The following NRG1 variants were observed in gnomAD, a reference collection of about 807,000 sequenced individuals.
NRG1 encodes the protein pro-neuregulin-1, membrane-bound isoform.
Under a neutral mutation model 63.8 loss-of-function variants are expected in NRG1, and 18 were observed. The ratio of observed to expected loss-of-function variants is 0.28; its 90% CI spans 0.19 to 0.42. The LOEUF (loss-of-function observed/expected upper bound fraction) is 0.42. Ranked by LOEUF, NRG1 falls within the 10% of genes least tolerant of loss-of-function variation. The pLI is 1.00. For synonymous variants in NRG1, 302 were observed against 301.3 expected (o/e 1.00, Z -0.02); for missense variants, 762 against 814.7 (o/e 0.94, Z 0.79).
intron 5 of NRG1, among the ~76,000 whole-genome samples, chr8:32,698,358 A>G (rs1275607424): frequency 6.6e-6 from 1 of 152,212 alleles, no homozygotes; most frequent in African/African-American, 2.4e-5. Context: ...AGAAATACGT[A>G]TTAGTCATTC....
intron 5 of NRG1, among the ~76,000 whole-genome samples, chr8:32,678,010 A>G (rs1263913009): frequency 1.3e-5 from 2 of 152,142 alleles, no homozygotes; most frequent in African/African-American, 4.8e-5. Flanking sequence ...TCTATTTACA[A>G]AAATCCTCTA....
chr8:32,582,377 C>T (rs1034110161), intron 1 of NRG1, among the ~76,000 whole-genome samples: 8 of 152,148 alleles, frequency 5.3e-5, no homozygotes, highest in South Asian at 2.1e-4. Context: ...GGATTACAGG[C>T]GTGAGACACG....
intron 1 of NRG1, among the ~76,000 whole-genome samples, chr8:32,287,755 TA>T (rs1463076944): frequency 6.6e-6 from 1 of 152,206 alleles, no homozygotes; most frequent in Non-Finnish European, 1.5e-5. Context: ...TCCACCGTAC[TA>T]CCACCAGACT....
intron 1 of NRG1, among the ~76,000 whole-genome samples, chr8:31,889,159 G>A (rs1392020562): frequency 6.6e-6 from 1 of 152,162 alleles, no homozygotes; most frequent in African/African-American, 2.4e-5. Flanking sequence ...CATTTTAAAA[G>A]TAATGTCTAG....
intron 1 of NRG1, among the ~76,000 whole-genome samples, chr8:31,971,725 A>G (rs946736862): frequency 3.3e-5 from 5 of 152,188 alleles, no homozygotes; most frequent in African/African-American, 7.2e-5. Context: ...AAAAAAAAAC[A>G]AAAACCTTGA....
chr8:32,274,027 C>T (rs1851821688), intron 1 of NRG1, among the ~76,000 whole-genome samples: 1 of 152,220 alleles, frequency 6.6e-6, no homozygotes, highest in Admixed American at 6.5e-5. Flanking sequence ...TATAATGGAA[C>T]ACCAAATGCC....
At chr8:31,801,811 A>C (rs1563419075) in intron 1 of NRG1, among the ~76,000 whole-genome samples, 1 of 152,224 alleles carries the variant, frequency 6.6e-6, no homozygotes, top group Non-Finnish European at 1.5e-5. Flanking sequence ...GTTCTTATAA[A>C]AGTCCTGATT....
chr8:31,924,587 G>A (rs1834180305), intron 1 of NRG1, among the ~76,000 whole-genome samples: 1 of 140,604 alleles, frequency 7.1e-6, no homozygotes, highest in Non-Finnish European at 1.5e-5. Flanking sequence ...GTTCTCTATT[G>A]TACACTTTTT....
At chr8:32,093,410 G>GA (rs1458000873) in intron 1 of NRG1, among the ~76,000 whole-genome samples, 3 of 152,196 alleles carry the variant, frequency 2.0e-5, no homozygotes, top group Non-Finnish European at 4.4e-5. Context: ...AAAGTGAAAT[G>GA]AAAAAACTAG....
intron 5 of NRG1, among the ~76,000 whole-genome samples, chr8:32,699,959 T>TTCAAAGTGTACTGAA (rs1174388648): frequency 1.3e-5 from 2 of 152,222 alleles, no homozygotes; most frequent in African/African-American, 4.8e-5. Flanking sequence ...AGATTCACAC[T>TTCAAAGTGTACTGAA]TCAAAGTGTA....
intron 1 of NRG1, among the ~76,000 whole-genome samples, chr8:32,183,380 T>C (rs1841634406): frequency 6.6e-6 from 1 of 152,252 alleles, no homozygotes. Context: ...TCTTTTTTGG[T>C]TCTAACCAGA....
intron 1 of NRG1, among the ~76,000 whole-genome samples, chr8:32,418,562 A>T (rs1816259170): frequency 6.6e-6 from 1 of 152,070 alleles, no homozygotes; most frequent in African/African-American, 2.4e-5. Flanking sequence ...GGTTCCCAAT[A>T]GCCATATGTG....
intron 1 of NRG1, among the ~76,000 whole-genome samples, chr8:32,431,280 G>T (rs187789548): frequency 1.3e-5 from 2 of 152,260 alleles, no homozygotes; most frequent in Admixed American, 1.3e-4. Context: ...ACTGGATGGG[G>T]ATTATGATAC....
At chr8:31,890,496 T>C (rs929122602) in intron 1 of NRG1, among the ~76,000 whole-genome samples, 8 of 152,190 alleles carry the variant, frequency 5.3e-5, no homozygotes, top group African/African-American at 1.9e-4. Flanking sequence ...GCTAAGTGTC[T>C]GTCTAATAGG....
chr8:32,611,632 A>G (rs915595942), intron 3 of NRG1, among the ~76,000 whole-genome samples: 7 of 152,098 alleles, frequency 4.6e-5, no homozygotes, highest in African/African-American at 1.7e-4. Flanking sequence ...AACAGGAAGA[A>G]TTCAGGTACT....
intron 1 of NRG1, among the ~76,000 whole-genome samples, chr8:31,648,445 G>A (rs764820212): frequency 2.1e-4 from 32 of 152,026 alleles, no homozygotes; most frequent in Non-Finnish European, 4.3e-4. Flanking sequence ...CCTTTCTTAA[G>A]TGTAGAGTTC....
intron 1 of NRG1, among the ~76,000 whole-genome samples, chr8:31,643,221 A>G (rs940097480): frequency 2.0e-5 from 3 of 152,214 alleles, no homozygotes; most frequent in African/African-American, 7.2e-5. Flanking sequence ...GAAGGCCCTC[A>G]CCTAACATGA....
At chr8:32,126,692 C>G (rs1438132550) in intron 1 of NRG1, among the ~76,000 whole-genome samples, 3 of 151,916 alleles carry the variant, frequency 2.0e-5, no homozygotes, top group Admixed American at 1.3e-4. Context: ...GGCACTGATT[C>G]TTGAAGCTGA....
intron 1 of NRG1, among the ~76,000 whole-genome samples, chr8:32,554,853 T>A (rs1271425824): frequency 6.6e-6 from 1 of 152,030 alleles, no homozygotes; most frequent in African/African-American, 2.4e-5. Context: ...GTCACCTTTT[T>A]CTGGCCTCCA....
Sources: allele counts gnomAD v4.1 joint callset (sites outside exome capture counted in the v4.1 genomes callset), GRCh38; gene constraint gnomAD v4.1.1; transcripts MANE v1.5; gene names NCBI Gene and HGNC (gene_info 2026-07-23, HGNC 2026-07-21).